ADGRB3: variants seen among roughly 807,000 people sequenced by gnomAD.
ADGRB3 encodes adhesion G protein-coupled receptor B3.
Under a neutral mutation model 193.4 loss-of-function variants are expected in ADGRB3, and 37 were observed. The observed-to-expected ratio is 0.19, with a 90% CI of 0.15 to 0.25. ADGRB3 has a LOEUF of 0.25. Ranked by LOEUF, ADGRB3 falls within the 10% of genes least tolerant of loss-of-function variation. ADGRB3 has a pLI of 1.00. For missense variants in ADGRB3, 1,637 were observed against 1,852.9 expected, an observed-to-expected ratio of 0.88 and a Z score of 2.14; for synonymous variants, 690 against 644.2, an observed-to-expected ratio of 1.07 and a Z score of -1.08.
At chr6:69,036,026 A>G (rs1770859333) in intron 13 of ADGRB3, among the ~76,000 whole-genome samples, 1 of 152,148 alleles carries the variant, frequency 6.6e-6, no homozygotes, top group Non-Finnish European at 1.5e-5. Context: ...GTCCAAGTAG[A>G]CAGTTTAGTA....
intron 17 of ADGRB3, among the ~76,000 whole-genome samples, chr6:69,214,107 G>A (rs547638613): frequency 6.6e-6 from 1 of 152,280 alleles, no homozygotes; most frequent in East Asian, 1.9e-4. Context: ...GAGGGTATTT[G>A]ACCTGAACTG....
chr6:68,977,469 T>G (rs1481677592), intron 10 of ADGRB3, among the ~76,000 whole-genome samples: 1 of 152,130 alleles, frequency 6.6e-6, no homozygotes, highest in African/African-American at 2.4e-5. Context: ...TGCAGAAAAT[T>G]TTCACTTTCC....
intron 11 of ADGRB3, among the ~76,000 whole-genome samples, chr6:68,996,293 T>G (rs1207540798): frequency 6.6e-6 from 1 of 152,146 alleles, no homozygotes; most frequent in Admixed American, 6.6e-5. Context: ...TCTAATTACC[T>G]CAGCCTACAT....
chr6:69,017,705 G>C (rs1277660576), intron 12 of ADGRB3, among the ~76,000 whole-genome samples: 1 of 151,904 alleles, frequency 6.6e-6, no homozygotes, highest in Non-Finnish European at 1.5e-5. Context: ...CAGTTAGGTA[G>C]ATACTGCTTA....
At chr6:69,142,472 T>A (rs1774366643) in intron 17 of ADGRB3, among the ~76,000 whole-genome samples, 1 of 152,160 alleles carries the variant, frequency 6.6e-6, no homozygotes, top group Admixed American at 6.5e-5. Context: ...AAGCATGAGG[T>A]CTTCCCTATA....
chr6:69,348,714 A>G (rs1392398513), intron 26 of ADGRB3, among the ~76,000 whole-genome samples: 1 of 152,024 alleles, frequency 6.6e-6, no homozygotes, highest in East Asian at 1.9e-4. Flanking sequence ...ATGTGGATGG[A>G]CAAATTTCAC....
intron 3 of ADGRB3, among the ~76,000 whole-genome samples, chr6:68,767,623 A>C (rs1283581259): frequency 2.0e-5 from 3 of 152,176 alleles, no homozygotes; most frequent in Non-Finnish European, 2.9e-5. Flanking sequence ...CCCTTTGAAA[A>C]CTGGCACAAG....
chr6:68,799,297 C>T (rs780670843), intron 3 of ADGRB3, among the ~76,000 whole-genome samples: 15 of 152,134 alleles, frequency 9.9e-5, no homozygotes, highest in Non-Finnish European at 1.8e-4. Context: ...GTTATTGGCT[C>T]ATTGGATTTG....
intron 20 of ADGRB3, among the ~76,000 whole-genome samples, chr6:69,284,348 G>A (rs1405215023): frequency 6.6e-6 from 1 of 152,016 alleles, no homozygotes; most frequent in East Asian, 1.9e-4. Flanking sequence ...GAATCCATCA[G>A]ACAATGAAAA....
intron 17 of ADGRB3, among the ~76,000 whole-genome samples, chr6:69,148,645 G>T (rs767230451): frequency 2.0e-4 from 31 of 152,114 alleles, no homozygotes; most frequent in Non-Finnish European, 3.7e-4. Flanking sequence ...ACCTTCAGAT[G>T]ATTTCTTCCT....
intron 3 of ADGRB3, among the ~76,000 whole-genome samples, chr6:68,890,191 A>G (rs1766032822): frequency 6.6e-6 from 1 of 152,230 alleles, no homozygotes; most frequent in Admixed American, 6.5e-5. Flanking sequence ...CTTCACTTTG[A>G]AAGCCATACT....
intron 20 of ADGRB3, among the ~76,000 whole-genome samples, chr6:69,272,667 T>C (rs1767206860): frequency 6.6e-6 from 1 of 152,068 alleles, no homozygotes; most frequent in South Asian, 2.1e-4. Context: ...ATGTGAGGAA[T>C]GAATTAGAAT....
At chr6:69,014,521 C>G (rs756768594) in intron 12 of ADGRB3, among the ~76,000 whole-genome samples, 8 of 151,874 alleles carry the variant, frequency 5.3e-5, no homozygotes, top group Non-Finnish European at 1.2e-4. Flanking sequence ...GATTTTGATT[C>G]AAAGCCAAGA....
chr6:68,925,157 T>TA (rs1162951901), intron 3 of ADGRB3, among the ~76,000 whole-genome samples: 1 of 151,940 alleles, frequency 6.6e-6, no homozygotes, highest in South Asian at 2.1e-4. Context: ...ATATAGGTAC[T>TA]AAAAAATATC....
intron 12 of ADGRB3, among the ~76,000 whole-genome samples, chr6:69,017,833 G>A (rs1421567105): frequency 6.6e-6 from 1 of 151,862 alleles, no homozygotes; most frequent in Non-Finnish European, 1.5e-5. Flanking sequence ...ATTTGTACAT[G>A]TAAAGCACAT....
chr6:69,210,613 G>A (rs1561953787), intron 17 of ADGRB3, among the ~76,000 whole-genome samples: 2 of 152,008 alleles, frequency 1.3e-5, no homozygotes, highest in Non-Finnish European at 2.9e-5. Context: ...AAAACTCCTA[G>A]GCTCAAGTGA....
At chr6:69,178,390 T>C (rs1775490649) in intron 17 of ADGRB3, among the ~76,000 whole-genome samples, 1 of 152,134 alleles carries the variant, frequency 6.6e-6, no homozygotes, top group Non-Finnish European at 1.5e-5. Flanking sequence ...TTTTTTTGTT[T>C]GTTTGTTTTA....
At chr6:69,360,525 T>C (rs955438184) in intron 28 of ADGRB3, among the ~76,000 whole-genome samples, 3 of 151,894 alleles carry the variant, frequency 2.0e-5, no homozygotes, top group African/African-American at 7.2e-5. Context: ...TTGGAGCACA[T>C]TGATGGAGAA....
At chr6:68,902,799 A>G (rs980525658) in intron 3 of ADGRB3, among the ~76,000 whole-genome samples, 6 of 152,280 alleles carry the variant, frequency 3.9e-5, no homozygotes, top group Admixed American at 1.3e-4. Flanking sequence ...TAAACTCTGC[A>G]TGACTGAGTA....
Sources: gnomAD v4.1 joint callset for allele counts (sites outside exome capture counted in the v4.1 genomes callset) on GRCh38, gnomAD v4.1.1 for gene constraint, MANE v1.5 for transcripts, NCBI Gene and HGNC (gene_info 2026-07-23, HGNC 2026-07-21) for gene names.